The following AGBL4 variants were observed in gnomAD, a reference collection of about 807,000 sequenced individuals.
AGBL4 encodes AGBL carboxypeptidase 4, also known as cytosolic carboxypeptidase 6.
AGBL4 carries 58 observed loss-of-function variants against 66.4 expected under a neutral mutation model. That is an observed-to-expected ratio of 0.87 (90% CI 0.71 to 1.09). The LOEUF (loss-of-function observed/expected upper bound fraction) is 1.09. Ranked by LOEUF, AGBL4 falls within the 50% of genes least tolerant of loss-of-function variation. The pLI, the probability that AGBL4 is intolerant of heterozygous loss-of-function variation, is 0.00. For missense variants in AGBL4, 579 were observed against 631.0 expected (o/e 0.92, Z 0.88); for synonymous variants, 234 against 222.9 (o/e 1.05, Z -0.44).
chr1:49,536,321 T>C (rs1651579141), intron 3 of AGBL4, among the ~76,000 whole-genome samples: 3 of 152,304 alleles, frequency 2.0e-5, no homozygotes, highest in South Asian at 4.1e-4. Context: ...CTTGAGATAG[T>C]AGACACATCA....
intron 1 of AGBL4, among the ~76,000 whole-genome samples, chr1:49,900,810 A>G (rs12067197): frequency 0.094 from 14,316 of 152,254 alleles, 903 homozygotes; most frequent in African/African-American, 0.17. Context: ...GATATATACT[A>G]TCTATTAAAG....
chr1:48,561,408 C>CTTTG (rs1644395678), intron 11 of AGBL4, among the ~76,000 whole-genome samples: 1 of 152,128 alleles, frequency 6.6e-6, no homozygotes, highest in Non-Finnish European at 1.5e-5. Context: ...TGTACTGGGT[C>CTTTG]TTTGGAACTC....
rs1023941249 is a variant in AGBL4 at position 48,776,398 on chromosome 1, G to A, written c.634+90793C>T. 2.0e-5 allele frequency among the ~76,000 whole-genome samples: 3 copies of A among 152,344 alleles called. No individual in the cohort carries two copies. In the East Asian group the frequency reaches 5.8e-4, roughly 29 times the overall value. ...AGCGCGGGAGCTTCGGGGAAGCGGG[G>A]AAGACAAAGGGGACCATCCGGTCTT... On this transcript the variant is annotated intron_variant, in intron 6 of 13. Transcript: ENST00000371839.
At chr1:49,672,921 C>CAA (rs60612868) in intron 3 of AGBL4, among the ~76,000 whole-genome samples, 14 of 47,046 alleles carry the variant, frequency 3.0e-4, no homozygotes, top group Non-Finnish European at 5.5e-4. Context: ...AACTCCATCT[C>CAA]AAAAAAAAAA....
At chr1:48,663,369 T>C (rs978112623) in intron 6 of AGBL4, 128 bp from the exon 7 acceptor site, 1 of 793,766 alleles carries the variant, frequency 1.3e-6, no homozygotes, top group Non-Finnish European at 2.1e-6. Flanking sequence ...AACCACTGGG[T>C]TAGAATCATT....
At chr1:49,973,408 T>C (rs1331029704) in intron 1 of AGBL4, among the ~76,000 whole-genome samples, 1 of 152,076 alleles carries the variant, frequency 6.6e-6, no homozygotes, top group Non-Finnish European at 1.5e-5. Context: ...GCTCAATAGC[T>C]ACACATGGCT....
At chr1:48,590,420 A>AAAAAAT (rs1644895819) in intron 10 of AGBL4, among the ~76,000 whole-genome samples, 1 of 151,110 alleles carries the variant, frequency 6.6e-6, no homozygotes, top group Admixed American at 6.6e-5. Flanking sequence ...AAAAAAAAAA[A>AAAAAAT]AAAAATTAGC....
chr1:49,731,392 C>A (rs1032768570), intron 2 of AGBL4, among the ~76,000 whole-genome samples: 1 of 152,178 alleles, frequency 6.6e-6, no homozygotes, highest in African/African-American at 2.4e-5. Context: ...AAACATAAAG[C>A]ACTGTACAAA....
At chr1:49,963,248 C>T (rs1657265820) in intron 1 of AGBL4, among the ~76,000 whole-genome samples, 1 of 151,998 alleles carries the variant, frequency 6.6e-6, no homozygotes, top group Non-Finnish European at 1.5e-5. Flanking sequence ...CCCCAGATTC[C>T]CATGTGTCTT....
intron 3 of AGBL4, among the ~76,000 whole-genome samples, chr1:49,617,684 T>C (rs761622240): frequency 1.3e-5 from 2 of 152,206 alleles, no homozygotes; most frequent in Non-Finnish European, 2.9e-5. Flanking sequence ...CAGAAAATAT[T>C]TGATAAATGA....
intron 5 of AGBL4, among the ~76,000 whole-genome samples, chr1:48,874,878 C>T (rs766488783): frequency 6.6e-6 from 1 of 152,178 alleles, no homozygotes; most frequent in Non-Finnish European, 1.5e-5. Flanking sequence ...TGTGCACCAC[C>T]ACCTTACCTG....
chr1:49,051,730 T>C (rs1644217784), intron 4 of AGBL4, among the ~76,000 whole-genome samples: 1 of 152,130 alleles, frequency 6.6e-6, no homozygotes, highest in African/African-American at 2.4e-5. Flanking sequence ...CCTATTCTAA[T>C]TCCAATCCTA....
chr1:49,575,873 T>G (rs1454605359), intron 3 of AGBL4, among the ~76,000 whole-genome samples: 1 of 152,212 alleles, frequency 6.6e-6, no homozygotes, highest in Non-Finnish European at 1.5e-5. Context: ...ATAATCTTAT[T>G]TGGAGAGACC....
chr1:49,350,772 C>A (rs984320349), intron 3 of AGBL4, among the ~76,000 whole-genome samples: 2 of 151,984 alleles, frequency 1.3e-5, no homozygotes, highest in African/African-American at 4.8e-5. Context: ...ACCTTCCCCC[C>A]AACTCCCCAG....
chr1:49,917,104 A>G (rs1366744306), intron 1 of AGBL4, among the ~76,000 whole-genome samples: 2 of 152,210 alleles, frequency 1.3e-5, no homozygotes, highest in African/African-American at 4.8e-5. Flanking sequence ...ATGCAAAGGA[A>G]CAACCGGTAC....
At chr1:49,133,372 G>T (rs1158339070) in intron 4 of AGBL4, among the ~76,000 whole-genome samples, 1 of 152,090 alleles carries the variant, frequency 6.6e-6, no homozygotes, top group African/African-American at 2.4e-5. Context: ...TGCACATTCT[G>T]CACATGTATC....
At chr1:49,792,001 T>C (rs565118979) in intron 2 of AGBL4, among the ~76,000 whole-genome samples, 1 of 152,188 alleles carries the variant, frequency 6.6e-6, no homozygotes, top group South Asian at 2.1e-4. Flanking sequence ...TGTAAATACC[T>C]ACAACATAAA....
chr1:49,494,529 G>GT (rs1557993030), intron 3 of AGBL4, among the ~76,000 whole-genome samples: 4 of 151,784 alleles, frequency 2.6e-5, no homozygotes. Context: ...GTGGTGTTTG[G>GT]TTTTTTGTTC....
chr1:48,946,454 A>G (rs1199442817), intron 5 of AGBL4, among the ~76,000 whole-genome samples: 1 of 152,198 alleles, frequency 6.6e-6, no homozygotes, highest in Non-Finnish European at 1.5e-5. Flanking sequence ...CACAGATTGC[A>G]CTTGTTCTGA....
Sources: gnomAD v4.1 joint callset for allele counts (sites outside exome capture counted in the v4.1 genomes callset) on GRCh38, gnomAD v4.1.1 for gene constraint, MANE v1.5 for transcripts, NCBI Gene and HGNC (gene_info 2026-07-23, HGNC 2026-07-21) for gene names.